Variants in NEDD9 observed in about 807,000 individuals in gnomAD.
NEDD9 encodes the protein neural precursor cell expressed, developmentally down-regulated 9.
In NEDD9, 26 loss-of-function variants were observed where a neutral mutation model predicts 76.6. The observed-to-expected ratio is 0.34, with a 90% confidence interval of 0.25 to 0.47. The LOEUF (loss-of-function observed/expected upper bound fraction) is 0.47. Among genes scored for constraint, NEDD9 ranks in the 20% least tolerant of loss-of-function variants. NEDD9 has a pLI of 1.00. For missense variants in NEDD9, 937 were observed against 1,058.5 expected (o/e 0.89, Z 1.59); for synonymous variants, 392 against 414.2 (o/e 0.95, Z 0.65).
In NEDD9 at chr6:11,361,968, G is replaced by A. The variant is rs866404762; in HGVS notation, c.-214+20171C>T. Among the ~76,000 whole-genome samples, 2 of 152,138 alleles carry A rather than the reference G, an allele frequency of 1.3e-5. 1 individual carries two copies. The highest frequency in any genetic ancestry group is 2.9e-5 in the Non-Finnish European group (2 of 68,018). On this transcript the variant is annotated intron_variant, in intron 1 of 3. Coordinates refer to the NEDD9 transcript ENST00000397378. ...ACAGATATTCAAGGAATATTTGGGA[G>A]ATTGCATAGAAGAAAAAAGTCTTCA...
chr6:11,354,311 A>T (rs940198167), intron 1 of NEDD9, among the ~76,000 whole-genome samples: 2 of 152,210 alleles, frequency 1.3e-5, no homozygotes. Flanking sequence ...AACATGAGTC[A>T]CCAGCTCCTC....
At chr6:11,380,475 T>G (rs995162042) in intron 1 of NEDD9, among the ~76,000 whole-genome samples, 3 of 152,212 alleles carry the variant, frequency 2.0e-5, no homozygotes, top group African/African-American at 7.2e-5. Context: ...TCTGGGAATT[T>G]TCGTCTGCCC....
intron 2 of NEDD9, among the ~76,000 whole-genome samples, chr6:11,209,288 G>A (rs374280782): frequency 2.8e-4 from 42 of 152,108 alleles, no homozygotes; most frequent in African/African-American, 9.7e-4. Flanking sequence ...TGCCTACAAC[G>A]CCTAATGGAT....
chr6:11,379,414 C>T (rs1300162195), intron 1 of NEDD9, among the ~76,000 whole-genome samples: 3 of 151,920 alleles, frequency 2.0e-5, no homozygotes. Context: ...ATGGTGAAAC[C>T]CCATCTCTAC....
intron 6 of NEDD9, 55 bp downstream of exon 6, chr6:11,188,163 T>G (rs1581940604): frequency 7.7e-7 from 1 of 1,293,922 alleles, no homozygotes; most frequent in Non-Finnish European, 1.1e-6. Flanking sequence ...CTTTCCTTAG[T>G]GCTAGGTGGG....
intron 1 of NEDD9, among the ~76,000 whole-genome samples, chr6:11,359,745 C>T (rs925143864): frequency 1.4e-4 from 22 of 152,184 alleles, no homozygotes; most frequent in African/African-American, 5.3e-4. Context: ...CAAGGAAACC[C>T]ATCCTATAAG....
intron 3 of NEDD9, among the ~76,000 whole-genome samples, chr6:11,294,340 G>A (rs772442397): frequency 6.6e-6 from 1 of 152,074 alleles, no homozygotes; most frequent in Non-Finnish European, 1.5e-5. Flanking sequence ...CTTCAGTGTT[G>A]GGGGAGGGGT....
chr6:11,211,909 G>A (rs1352762220), intron 2 of NEDD9, among the ~76,000 whole-genome samples: 2 of 152,188 alleles, frequency 1.3e-5, no homozygotes, highest in East Asian at 3.9e-4. Context: ...CCAGGATGGG[G>A]AGGGCAGGAG....
At chr6:11,232,222 G>C (rs1759490325) in intron 1 of NEDD9, among the ~76,000 whole-genome samples, 1 of 152,152 alleles carries the variant, frequency 6.6e-6, no homozygotes, top group Non-Finnish European at 1.5e-5. Context: ...ATCTCCAGTG[G>C]CTGCTGTGAA....
chr6:11,218,047 T>C (rs1212435809), intron 1 of NEDD9, among the ~76,000 whole-genome samples: 2 of 152,276 alleles, frequency 1.3e-5, no homozygotes, highest in Non-Finnish European at 2.9e-5. Context: ...TCTTCTCAGC[T>C]ATGTGCTTAC....
At chr6:11,270,312 T>G (rs1250660353) in intron 3 of NEDD9, among the ~76,000 whole-genome samples, 1 of 151,924 alleles carries the variant, frequency 6.6e-6, no homozygotes, top group Non-Finnish European at 1.5e-5. Flanking sequence ...TAAAGGGAGC[T>G]AGAATTACAG....
At chr6:11,215,842 G>A (rs927016018) in intron 1 of NEDD9, among the ~76,000 whole-genome samples, 2 of 152,162 alleles carry the variant, frequency 1.3e-5, no homozygotes, top group Admixed American at 1.3e-4. Context: ...CAGTAGAAAG[G>A]CAAAGGGCTA....
Position 11,184,139 on chromosome 6 carries a change from A to T in NEDD9, c.*1023T>A, listed in dbSNP as rs1455762701. On this transcript the variant is annotated 3_prime_UTR_variant, in exon 7 of 7. Coordinates refer to ENST00000379446, the MANE Select transcript of NEDD9 (RefSeq NM_006403.4). ...GCAATAAATTCCCTTAGAGAGCAGG[A>T]TATGTCCTGGTAGCTCTATAGTTCC... 1 of 152,204 alleles carries T rather than the reference A, an allele frequency of 6.6e-6. No individual in the cohort carries two copies. Among genetic ancestry groups the T allele is most frequent in the African/African-American group, 2.4e-5 (1 of 41,440 alleles). The allele number at this position is 152,204 out of a possible 1,614,324, so 9.4% of individuals were successfully genotyped here.
At chr6:11,239,960 C>A (rs1034298090) in intron 3 of NEDD9, among the ~76,000 whole-genome samples, 4 of 149,886 alleles carry the variant, frequency 2.7e-5, no homozygotes, top group Middle Eastern at 3.4e-3. Context: ...AGGAGAATCG[C>A]TTGAACCCGG....
In NEDD9 at chr6:11,193,622, T is replaced by C. The variant is rs1283718076; in HGVS notation, c.530A>G (p.Tyr177Cys). 3 of 1,613,818 alleles carry C rather than the reference T, an allele frequency of 1.9e-6. No individual in the cohort carries two copies. The highest frequency in any genetic ancestry group is 2.5e-6 in the Non-Finnish European group (3 of 1,179,716). Residue 177 changes from tyrosine (Y) to cysteine (C), a missense_variant, in exon 3 of 7, where the codon TAT becomes TGT. Coordinates refer to ENST00000379446, the MANE Select transcript of NEDD9 (RefSeq NM_006403.4). ...AGTGGTATGAGAAGGAGGGATATCA[T>C]AGACGTCCTTTTGGTATCTGGATGG... ...EYPSRYQKDV[Y>C]DIPPSHTTQG...
intron 2 of NEDD9, among the ~76,000 whole-genome samples, chr6:11,206,219 G>A (rs1405409732): frequency 3.3e-5 from 5 of 152,032 alleles, no homozygotes; most frequent in African/African-American, 4.8e-5. Context: ...AGGAGTTTGA[G>A]ACCAGCCTGA....
intron 3 of NEDD9, among the ~76,000 whole-genome samples, chr6:11,285,340 A>G (rs1883241): frequency 0.01 from 1,571 of 152,320 alleles, 27 homozygotes; most frequent in African/African-American, 0.036. Context: ...GAAAAATTAA[A>G]GAAGATATAA....
chr6:11,372,323 A>T (rs998713888), intron 1 of NEDD9, among the ~76,000 whole-genome samples: 1 of 152,208 alleles, frequency 6.6e-6, no homozygotes, highest in Admixed American at 6.5e-5. Context: ...GCTGCAAATG[A>T]CTGGATCTCA....
chr6:11,268,769 A>C (rs968667220), intron 3 of NEDD9, among the ~76,000 whole-genome samples: 1 of 151,918 alleles, frequency 6.6e-6, no homozygotes, highest in African/African-American at 2.4e-5. Flanking sequence ...ACACACACAC[A>C]CAACCAATAT....
Sources: gnomAD v4.1 joint callset for allele counts (sites outside exome capture counted in the v4.1 genomes callset) on GRCh38, gnomAD v4.1.1 for gene constraint, MANE v1.5 for transcripts, NCBI Gene and HGNC (gene_info 2026-07-23, HGNC 2026-07-21) for gene names.